VPS13B: variants seen among roughly 807,000 people sequenced by gnomAD.
VPS13B encodes vacuolar protein sorting 13 homolog B.
Under a neutral mutation model 426.4 loss-of-function variants are expected in VPS13B, and 285 were observed. The observed-to-expected ratio is 0.67, with a 90% CI of 0.61 to 0.74. The LOEUF is 0.74. VPS13B is among the 30% of genes least tolerant of loss of function. VPS13B has a pLI of 0.00. For synonymous variants in VPS13B, 1,676 were observed against 1,676.4 expected, an observed-to-expected ratio of 1.00 and a Z score of 0.01; for missense variants, 4,537 against 4,782.6, an observed-to-expected ratio of 0.95 and a Z score of 1.51.
At chr8:99,145,223 A>G (rs1810645550) in intron 13 of VPS13B, among the ~76,000 whole-genome samples, 1 of 152,194 alleles carries the variant, frequency 6.6e-6, no homozygotes, top group Non-Finnish European at 1.5e-5. Flanking sequence ...ATAGGAAGTT[A>G]TTAACTTATT....
At chr8:99,733,294 C>T (rs922384941) in intron 39 of VPS13B, among the ~76,000 whole-genome samples, 7 of 152,110 alleles carry the variant, frequency 4.6e-5, no homozygotes, top group African/African-American at 1.7e-4. Context: ...AAAACAATGT[C>T]GTCCAGCTGT....
chr8:99,630,567 A>G (rs1366805355), intron 33 of VPS13B, among the ~76,000 whole-genome samples: 3 of 151,014 alleles, frequency 2.0e-5, no homozygotes, highest in Non-Finnish European at 4.4e-5. Flanking sequence ...GATTCCCTTC[A>G]TTTGTCCCTC....
chr8:99,768,871 G>A lies in VPS13B; in HGVS notation c.7247+1901G>A, dbSNP rs1440904963. 2.6e-5 allele frequency among the ~76,000 whole-genome samples: 4 copies of A among 152,238 alleles called. No homozygotes were observed. In the East Asian group the frequency reaches 7.7e-4, roughly 29 times the overall value. On this transcript the variant is annotated intron_variant, in intron 40 of 61. Coordinates refer to ENST00000357162, the MANE Select transcript of VPS13B (RefSeq NM_152564.5). The stretch of plus-strand genomic sequence containing the variant: ...TCTCATCAGAAACCAGGAAATCTCA[G>A]AAAATAGAGCTATGGATAACTAAAT...
At chr8:99,552,445 C>A (rs1365482882) in intron 30 of VPS13B, among the ~76,000 whole-genome samples, 1 of 151,992 alleles carries the variant, frequency 6.6e-6, no homozygotes, top group Non-Finnish European at 1.5e-5. Context: ...CTACCTGGAG[C>A]AAGACTGTCC....
At chr8:99,340,266 G>A in intron 19 of VPS13B, 1 of 240,346 alleles carries the variant, frequency 4.2e-6, no homozygotes, top group South Asian at 5.3e-5. Context: ...AGAGTGCAGA[G>A]CTAGATGGAG....
chr8:99,254,330 C>CT (rs999545026), intron 17 of VPS13B, among the ~76,000 whole-genome samples: 17 of 151,806 alleles, frequency 1.1e-4, no homozygotes, highest in African/African-American at 2.9e-4. Context: ...ATTTGGGGTA[C>CT]TTTTTTTTAA....
intron 17 of VPS13B, among the ~76,000 whole-genome samples, chr8:99,257,158 C>A (rs1210083469): frequency 6.6e-6 from 1 of 152,050 alleles, no homozygotes; most frequent in Admixed American, 6.6e-5. Context: ...ATCTAGTGGG[C>A]AATTACATTT....
At chr8:99,850,955 A>C (rs1390251682) in intron 55 of VPS13B, among the ~76,000 whole-genome samples, 1 of 152,174 alleles carries the variant, frequency 6.6e-6, no homozygotes, top group Non-Finnish European at 1.5e-5. Context: ...ACAACAACAA[A>C]AAAAGTTTAT....
At chr8:99,486,930 G>T in intron 25 of VPS13B, among the ~76,000 whole-genome samples, 1 of 152,278 alleles carries the variant, frequency 6.6e-6, no homozygotes, top group African/African-American at 2.4e-5. Flanking sequence ...GGTCAAAGAT[G>T]TTAACTGGGA....
intron 40 of VPS13B, among the ~76,000 whole-genome samples, chr8:99,775,523 T>C (rs1811696400): frequency 6.6e-6 from 1 of 152,226 alleles, no homozygotes; most frequent in Non-Finnish European, 1.5e-5. Flanking sequence ...CTAGGCAGCA[T>C]GCTTCCCGTG....
intron 17 of VPS13B, among the ~76,000 whole-genome samples, chr8:99,222,009 T>C (rs1247234358): frequency 1.3e-5 from 2 of 152,222 alleles, no homozygotes; most frequent in Non-Finnish European, 2.9e-5. Flanking sequence ...GGATCCAGTG[T>C]TACTTATCTA....
At chr8:99,251,507 G>T (rs1281686093) in intron 17 of VPS13B, among the ~76,000 whole-genome samples, 1 of 152,178 alleles carries the variant, frequency 6.6e-6, no homozygotes, top group Non-Finnish European at 1.5e-5. Context: ...GTTCTGGAAT[G>T]AATCTGAGTT....
rs1453349207 is a variant in VPS13B, at chr8:99,766,971, G to T, written c.7247+1G>T. ...GTCAAAATGGAGCTGATGACCAAAG[G>T]TAATTCATTGAAAGATGATATGGTA... On this transcript the variant is annotated splice_donor_variant, in intron 40 of 61. Transcript: ENST00000357162. LOFTEE classifies it high-confidence loss of function. 1.2e-6 allele frequency: 2 copies of T among 1,613,316 alleles called. No homozygotes were observed. Among genetic ancestry groups the T allele is most frequent in the Non-Finnish European group, 1.7e-6 (2 of 1,179,564 alleles).
intron 25 of VPS13B, among the ~76,000 whole-genome samples, chr8:99,493,376 T>C (rs952938603): frequency 4.6e-5 from 7 of 152,230 alleles, no homozygotes; most frequent in Non-Finnish European, 8.8e-5. Context: ...TCCTAATCAC[T>C]GTATATTTCC....
intron 19 of VPS13B, among the ~76,000 whole-genome samples, chr8:99,343,023 C>A (rs3134177): frequency 6.6e-6 from 1 of 151,912 alleles, no homozygotes; most frequent in African/African-American, 2.4e-5. Context: ...TTTCATGTAC[C>A]TGTTTGCCTT....
At chr8:99,813,217 C>A (rs995329811) in intron 44 of VPS13B, among the ~76,000 whole-genome samples, 13 of 152,100 alleles carry the variant, frequency 8.5e-5, no homozygotes, top group Non-Finnish European at 1.8e-4. Flanking sequence ...TAAGAATTTT[C>A]TTTTATCAAA....
intron 21 of VPS13B, among the ~76,000 whole-genome samples, chr8:99,405,780 C>CT (rs796534332): frequency 4.5e-4 from 65 of 143,450 alleles, no homozygotes; most frequent in Middle Eastern, 3.6e-3. Flanking sequence ...CCTTTTTTTT[C>CT]TTTTTTTTTT....
chr8:99,481,163 G>A (rs1471626907), intron 24 of VPS13B, among the ~76,000 whole-genome samples: 3 of 151,808 alleles, frequency 2.0e-5, no homozygotes, highest in Non-Finnish European at 4.4e-5. Flanking sequence ...TTGTTTTGTG[G>A]GACAAGAAAT....
At chr8:99,618,762 G>A (rs943046746) in intron 33 of VPS13B, among the ~76,000 whole-genome samples, 1 of 152,074 alleles carries the variant, frequency 6.6e-6, no homozygotes, top group African/African-American at 2.4e-5. Context: ...TTCTCTTTTA[G>A]TTATTTGTTT....
Sources: allele counts gnomAD v4.1 joint callset (sites outside exome capture counted in the v4.1 genomes callset), GRCh38; gene constraint gnomAD v4.1.1; transcripts MANE v1.5; gene names NCBI Gene and HGNC (gene_info 2026-07-23, HGNC 2026-07-21).